Variants in L3MBTL4 observed in about 807,000 individuals in gnomAD.
L3MBTL4 encodes lethal(3)malignant brain tumor-like protein 4.
Under a neutral mutation model 84.5 loss-of-function variants are expected in L3MBTL4, and 70 were observed. The ratio of observed to expected loss-of-function variants is 0.83; its 90% CI spans 0.68 to 1.01. The LOEUF is 1.01. L3MBTL4 is among the 50% of genes least tolerant of loss of function. The pLI, the probability that L3MBTL4 is intolerant of heterozygous loss-of-function variation, is 0.00. For missense variants in L3MBTL4, 715 were observed against 754.8 expected (o/e 0.95, Z 0.62); for synonymous variants, 274 against 259.8 (o/e 1.05, Z -0.52).
chr18:6,181,761 A>G (rs73383921), intron 12 of L3MBTL4, among the ~76,000 whole-genome samples: 2,952 of 152,172 alleles, frequency 0.019, 98 homozygotes, highest in African/African-American at 0.068. Flanking sequence ...AATACGTGGT[A>G]TTTGTTTTTC....
At chr18:6,384,209 C>A (rs1318165703) in intron 1 of L3MBTL4, among the ~76,000 whole-genome samples, 1 of 152,160 alleles carries the variant, frequency 6.6e-6, no homozygotes, top group African/African-American at 2.4e-5. Context: ...TTCCCCACGA[C>A]CTCATCAAAA....
chr18:6,187,127 T>C (rs2044812674), intron 12 of L3MBTL4, among the ~76,000 whole-genome samples: 1 of 152,220 alleles, frequency 6.6e-6, no homozygotes, highest in Non-Finnish European at 1.5e-5. Flanking sequence ...AGAAAACTGA[T>C]ATGACCTTCT....
intron 13 of L3MBTL4, among the ~76,000 whole-genome samples, chr18:6,154,006 A>T (rs2042997523): frequency 1.3e-5 from 2 of 152,242 alleles, no homozygotes; most frequent in Admixed American, 1.3e-4. Context: ...ATCAGCAAAC[A>T]GAGACAATGT....
chr18:6,077,357 T>C (rs2057890745), intron 16 of L3MBTL4, among the ~76,000 whole-genome samples: 2 of 152,302 alleles, frequency 1.3e-5, no homozygotes, highest in South Asian at 4.1e-4. Flanking sequence ...GTAATTAAAA[T>C]TTTTATCATC....
intron 12 of L3MBTL4, among the ~76,000 whole-genome samples, chr18:6,172,321 A>T (rs2044014384): frequency 6.6e-6 from 1 of 152,162 alleles, no homozygotes; most frequent in South Asian, 2.1e-4. Flanking sequence ...ATCAACAGTA[A>T]GAGTCACCAA....
chr18:6,380,129 T>C (rs2054536651), intron 1 of L3MBTL4, among the ~76,000 whole-genome samples: 1 of 152,236 alleles, frequency 6.6e-6, no homozygotes, highest in Non-Finnish European at 1.5e-5. Context: ...TATTCTCTGA[T>C]GGCAGTTTGT....
chr18:6,355,202 C>T (rs775301668), intron 1 of L3MBTL4, among the ~76,000 whole-genome samples: 3 of 152,100 alleles, frequency 2.0e-5, no homozygotes, highest in South Asian at 4.1e-4. Flanking sequence ...TTGTGTGTAA[C>T]GCAAAGGATA....
intron 16 of L3MBTL4, among the ~76,000 whole-genome samples, chr18:5,979,880 G>A (rs968053148): frequency 4.6e-5 from 7 of 152,160 alleles, no homozygotes; most frequent in Admixed American, 2.0e-4. Flanking sequence ...GGGATCCTGC[G>A]TGGGACCCTT....
In L3MBTL4 at chr18:5,969,461, G is replaced by A. The variant is rs761779632; in HGVS notation, c.1546C>T (p.His516Tyr). The A allele has an allele frequency of 1.9e-6, 3 of 1,614,014 alleles. No individual in the cohort carries two copies. The highest frequency in any genetic ancestry group is 2.5e-6 in the Non-Finnish European group (3 of 1,180,024). Residue 516 changes from histidine (H) to tyrosine (Y), a missense_variant, in exon 17 of 19, where the codon CAC becomes TAC. Physicochemically the swap from His to Tyr is moderately conservative, Grantham distance 83 (BLOSUM62 2). Coordinates refer to ENST00000317931, the MANE Select transcript of L3MBTL4 (RefSeq NM_001330559.2). The part of the protein sequence containing the change: ...FRDLPLGREQ[H>Y]CKLLPGVADI... ...GCCACGCCTGGAAGCAACTTGCAGT[G>A]TTGCTCCCTGCCGAGGGGAAGGTCC... is the stretch of plus-strand genomic sequence containing the variant.
intron 16 of L3MBTL4, among the ~76,000 whole-genome samples, chr18:6,011,767 C>T (rs1386325457): frequency 6.6e-6 from 1 of 152,196 alleles, no homozygotes; most frequent in South Asian, 2.1e-4. Context: ...ATACAACAGA[C>T]CCATTAGACA....
intron 16 of L3MBTL4, among the ~76,000 whole-genome samples, chr18:5,980,316 TGA>T (rs1567943889): frequency 6.6e-6 from 1 of 151,924 alleles, no homozygotes; most frequent in Admixed American, 6.6e-5. Context: ...TCTGGGAGGG[TGA>T]GAGGCCAGGA....
In L3MBTL4 at chr18:6,305,575, C is replaced by T. The variant is rs1326640160; in HGVS notation, c.73-3618G>A. On this transcript the variant is annotated intron_variant, in intron 3 of 18. Coordinates refer to ENST00000317931, the MANE Select transcript of L3MBTL4 (RefSeq NM_001330559.2). ...AAAAATAAAACCATTACTGCGATTT[C>T]TCAGGTTTCAAACTTTAATTCTGAA... Among the ~76,000 whole-genome samples, 4 of 152,156 alleles carry T rather than the reference C, an allele frequency of 2.6e-5. 1 individual carries two copies. Among genetic ancestry groups the T allele is most frequent in the Non-Finnish European group, 4.4e-5 (3 of 68,016 alleles).
intron 1 of L3MBTL4, among the ~76,000 whole-genome samples, chr18:6,346,578 C>A (rs926063266): frequency 6.6e-6 from 1 of 151,936 alleles, no homozygotes; most frequent in African/African-American, 2.4e-5. Context: ...AAATATCCAA[C>A]AAGTATAGAA....
chr18:6,054,925 C>T (rs937984871), intron 16 of L3MBTL4, among the ~76,000 whole-genome samples: 2 of 152,220 alleles, frequency 1.3e-5, no homozygotes, highest in Admixed American at 6.5e-5. Flanking sequence ...CTTCCCTCTG[C>T]TTCACTTACA....
At chr18:6,237,861 T>G in intron 10 of L3MBTL4, 103 bp downstream of exon 10, 1 of 850,108 alleles carries the variant, frequency 1.2e-6, no homozygotes, top group Non-Finnish European at 2.0e-6. Flanking sequence ...TTTATCATAT[T>G]AAATAGATAT....
At chr18:6,152,625 G>A (rs1388429733) in intron 13 of L3MBTL4, among the ~76,000 whole-genome samples, 1 of 152,098 alleles carries the variant, frequency 6.6e-6, no homozygotes, top group Non-Finnish European at 1.5e-5. Context: ...TGAGTTAGAT[G>A]AATTCCTTAT....
intron 16 of L3MBTL4, among the ~76,000 whole-genome samples, chr18:6,033,561 C>T (rs375984289): frequency 3.9e-5 from 6 of 152,088 alleles, no homozygotes; most frequent in Non-Finnish European, 5.9e-5. Flanking sequence ...CATGTAATTA[C>T]GATTACATTA....
chr18:6,184,704 T>C (rs2044638003), intron 12 of L3MBTL4, among the ~76,000 whole-genome samples: 1 of 152,182 alleles, frequency 6.6e-6, no homozygotes. Flanking sequence ...ACTACAATTA[T>C]GATCCAGCCA....
chr18:6,238,974 G>C (rs1168681932), intron 9 of L3MBTL4, among the ~76,000 whole-genome samples: 4 of 151,550 alleles, frequency 2.6e-5, no homozygotes, highest in Non-Finnish European at 5.9e-5. Context: ...ATGCATGGTA[G>C]CATACATTTT....
Sources: gnomAD v4.1 joint callset for allele counts (sites outside exome capture counted in the v4.1 genomes callset) on GRCh38, gnomAD v4.1.1 for gene constraint, MANE v1.5 for transcripts, NCBI Gene and HGNC (gene_info 2026-07-23, HGNC 2026-07-21) for gene names.